Variants in ZNF569 observed in about 807,000 individuals in gnomAD.
ZNF569 encodes the protein DNA-binding protein.
ZNF569 carries 38 observed loss-of-function variants against 56.3 expected under a neutral mutation model. The ratio of observed to expected loss-of-function variants is 0.68; its 90% CI spans 0.52 to 0.88. The LOEUF is 0.88. ZNF569 is among the 40% of genes least tolerant of loss of function. ZNF569 has a pLI of 0.00. For synonymous variants in ZNF569, 241 were observed against 262.9 expected, an observed-to-expected ratio of 0.92 and a Z score of 0.81; for missense variants, 666 against 809.2, an observed-to-expected ratio of 0.82 and a Z score of 2.15.
chr19:37,468,761 CT>C (rs1309784350), upstream of ZNF569, among the ~76,000 whole-genome samples: 3 of 152,332 alleles, frequency 2.0e-5, no homozygotes, highest in Non-Finnish European at 4.4e-5. Flanking sequence ...CCACCTTGGC[CT>C]TCCAAAGTGC....
At chr19:37,446,482 G>A (rs1332605574) in intron 2 of ZNF569, among the ~76,000 whole-genome samples, 5 of 150,836 alleles carry the variant, frequency 3.3e-5, no homozygotes, top group African/African-American at 4.9e-5. Flanking sequence ...CCTGAGAGGC[G>A]GAGGTTGCAG....
chr19:37,439,590 G>A (rs949389940), intron 3 of ZNF569, among the ~76,000 whole-genome samples: 1 of 152,204 alleles, frequency 6.6e-6, no homozygotes, highest in Non-Finnish European at 1.5e-5. Flanking sequence ...GTATTAAAGA[G>A]ATATCTGTAC....
intron 2 of ZNF569, among the ~76,000 whole-genome samples, chr19:37,446,926 A>G (rs182719512): frequency 7.2e-5 from 11 of 152,310 alleles, no homozygotes; most frequent in Admixed American, 3.9e-4. Context: ...AAACAATCCC[A>G]TCAAAAAGTG....
chr19:37,431,372 T>C (rs562730768), intron 3 of ZNF569, among the ~76,000 whole-genome samples: 5 of 152,224 alleles, frequency 3.3e-5, no homozygotes, highest in South Asian at 4.1e-4. Flanking sequence ...CACAGTATGA[T>C]AGGGCACCAG....
At chr19:37,430,853 T>C (rs1249378965) in intron 3 of ZNF569, among the ~76,000 whole-genome samples, 2 of 152,198 alleles carry the variant, frequency 1.3e-5, no homozygotes, top group African/African-American at 2.4e-5. Context: ...AGTGGCCATA[T>C]GGTTCTGAGA....
chr19:37,437,914 T>A (rs538888679), intron 3 of ZNF569, among the ~76,000 whole-genome samples: 2 of 150,914 alleles, frequency 1.3e-5, no homozygotes, highest in African/African-American at 2.4e-5. Flanking sequence ...AATCTATAGA[T>A]TCAATGCAAT....
At chr19:37,442,586 T>C (rs967946260) in intron 3 of ZNF569, among the ~76,000 whole-genome samples, 1 of 152,166 alleles carries the variant, frequency 6.6e-6, no homozygotes. Context: ...ATCACTTTGG[T>C]TGTTCTATGG....
chr19:37,412,409 T>C lies in ZNF569; in HGVS notation c.*188A>G, dbSNP rs2040852630. On this transcript the variant is annotated 3_prime_UTR_variant, in exon 6 of 6. Coordinates refer to ENST00000316950, the MANE Select transcript of ZNF569 (RefSeq NM_152484.3). Reference sequence around the variant, plus strand: ...CAATAAGATGTCTGCTGAAAGTTTCTGGTAACAGCTTTTTCATTATATAAT... The same window carrying C: ...CAATAAGATGTCTGCTGAAAGTTTCCGGTAACAGCTTTTTCATTATATAAT... The C allele has an allele frequency of 1.9e-5, 20 of 1,037,258 alleles. No individual in the cohort carries two copies. The highest frequency in any genetic ancestry group is 2.4e-5 in the Non-Finnish European group (19 of 794,080). 64.3% of individuals were successfully genotyped at this position (1,037,258 alleles called of 1,614,324 possible). A position where few individuals can be genotyped will look rare whatever the true frequency, so the allele number is the denominator to read the frequency against.
intron 5 of ZNF569, among the ~76,000 whole-genome samples, chr19:37,418,406 A>T (rs939951381): frequency 1.3e-5 from 2 of 152,174 alleles, no homozygotes; most frequent in African/African-American, 4.8e-5. Flanking sequence ...CCAAAAGTGC[A>T]CAAATATGGT....
intron 2 of ZNF569, among the ~76,000 whole-genome samples, chr19:37,455,763 C>A (rs534945063): frequency 4.1e-4 from 62 of 152,152 alleles, no homozygotes; most frequent in African/African-American, 1.4e-3. Context: ...CACCACTTTG[C>A]AACACATGTT....
chr19:37,418,132 A>G lies in ZNF569; in HGVS notation c.239-3713T>C, dbSNP rs146102367. Among the ~76,000 whole-genome samples, 1,131 of 147,998 alleles carry G rather than the reference A, an allele frequency of 7.6e-3. 13 individuals are homozygous for G. The highest frequency in any genetic ancestry group is 0.027 in the African/African-American group (1,087 of 40,730). On this transcript the variant is annotated intron_variant, in intron 5 of 5. Coordinates refer to ENST00000316950, the MANE Select transcript of ZNF569 (RefSeq NM_152484.3). ...TAATAATAATAATAATAATAATAAT[A>G]ATAAAATAAAGTTCTGTTCTATGAG...
rs2041815083 is a variant in ZNF569 at position 37,465,455 on chromosome 19, C to T, written c.-186G>A. On this transcript the variant is annotated 5_prime_UTR_variant, in exon 2 of 6. Transcript: ENST00000316950. ...TAAATGAGTCTATGAATGAATGAAT[C>T]CTTAATATATGAAGAACTCTGGAAA... The T allele has an allele frequency of 6.6e-6, 1 of 152,076 alleles. No homozygotes were observed. Among genetic ancestry groups the T allele is most frequent in the African/African-American group, 2.4e-5 (1 of 41,400 alleles). The allele number at this position is 152,076 out of a possible 1,614,324, so 9.4% of individuals were successfully genotyped here. A position where few individuals can be genotyped will look rare whatever the true frequency, so the allele number is the denominator to read the frequency against.
upstream of ZNF569, among the ~76,000 whole-genome samples, chr19:37,468,698 G>T (rs772475117): frequency 3.5e-4 from 54 of 152,220 alleles, 1 homozygote; most frequent in South Asian, 3.9e-3. Context: ...AGTAGAGACG[G>T]GGTTTCACCA....
chr19:37,461,822 T>C (rs2041761396), intron 2 of ZNF569, among the ~76,000 whole-genome samples: 1 of 152,114 alleles, frequency 6.6e-6, no homozygotes, highest in African/African-American at 2.4e-5. Flanking sequence ...CTCACATTAT[T>C]CCTCTTTGCT....
chr19:37,462,444 G>A (rs1388144118), intron 2 of ZNF569, among the ~76,000 whole-genome samples: 1 of 150,582 alleles, frequency 6.6e-6, no homozygotes, highest in Non-Finnish European at 1.5e-5. Context: ...GTCTTCAAGA[G>A]TTGTCTAGAC....
chr19:37,450,034 A>G (rs1182641663), intron 2 of ZNF569, among the ~76,000 whole-genome samples: 1 of 152,104 alleles, frequency 6.6e-6, no homozygotes, highest in Non-Finnish European at 1.5e-5. Context: ...TGTGGATGAC[A>G]TTTTAATGTA....
rs773995430 is a variant in ZNF569 at position 37,426,124 on chromosome 19, A to G, written c.142+128T>C. On this transcript the variant is annotated intron_variant, in intron 4 of 5. Transcript: ENST00000316950. ...TGAAAACTGCAGCATGGACATTCAC[A>G]TGAGCAAAAGCATCCCAAGGCCAAG... is the stretch of plus-strand genomic sequence containing the variant. The G allele has an allele frequency of 3.8e-6, 5 of 1,315,922 alleles. No individual in the cohort carries two copies. In the South Asian group the frequency reaches 5.7e-5, roughly 15 times the overall value. The allele number at this position is 1,315,922 out of a possible 1,614,324, so 81.5% of individuals were successfully genotyped here.
At chr19:37,440,604 A>G (rs888689753) in intron 3 of ZNF569, among the ~76,000 whole-genome samples, 4 of 152,242 alleles carry the variant, frequency 2.6e-5, no homozygotes, top group African/African-American at 9.6e-5. Flanking sequence ...AAGGTGAAAT[A>G]AGTAAAAACA....
chr19:37,428,827 A>G (rs746852340), intron 3 of ZNF569, among the ~76,000 whole-genome samples: 1 of 152,022 alleles, frequency 6.6e-6, no homozygotes, highest in Non-Finnish European at 1.5e-5. Context: ...GGCGTGCGCC[A>G]CCACACCCAG....
Sources: allele counts gnomAD v4.1 joint callset (sites outside exome capture counted in the v4.1 genomes callset), GRCh38; gene constraint gnomAD v4.1.1; transcripts MANE v1.5; gene names NCBI Gene and HGNC (gene_info 2026-07-23, HGNC 2026-07-21).